Variants in LINC00632 observed in about 807,000 individuals in gnomAD.
LINC00632 encodes the protein long independently transcribed non-coding RNA 632, also known as ALDOA related specific transcript.
intron 3 of LINC00632, among the ~76,000 whole-genome samples, chrX:140,769,469 C>A (rs1026838534): frequency 5.5e-5 from 6 of 109,607 alleles, no homozygotes; most frequent in African/African-American, 1.7e-4. Context: ...TCGGTTTTTT[C>A]TCCACCCCAC....
Position 140,722,991 on chromosome X carries a change from GT to G in LINC00632, n.105-10886del, listed in dbSNP as rs1367994304. ...TTGAACCCGGGAGGCAGAGGTTGCA[GT>G]GTTGTGCCATTACACTCCAGCCTGG... is the stretch of plus-strand genomic sequence containing the variant. On this transcript the variant is annotated intron_variant and non_coding_transcript_variant, in intron 2 of 4. Coordinates refer to ENST00000648200, the Ensembl canonical transcript of LINC00632. Among the ~76,000 whole-genome samples, 4 of 106,105 alleles carry G rather than the reference GT, an allele frequency of 3.8e-5. No homozygotes were observed. The Admixed American group carries it at 4.1e-4, about 11-fold the overall frequency. The allele number at this position is 106,105 out of a possible 115,157, so 92.1% of individuals were successfully genotyped here. A position where few individuals can be genotyped will look rare whatever the true frequency, so the allele number is the denominator to read the frequency against.
chrX:140,716,121 A>G (rs1202046429), intron 2 of LINC00632: 3 of 112,131 alleles, frequency 2.7e-5, no homozygotes, highest in African/African-American at 9.7e-5. Flanking sequence ...CCTACAATGT[A>G]AAGATTTCCA....
At chrX:140,711,260 C>A (rs1023656267) in intron 1 of LINC00632, among the ~76,000 whole-genome samples, 2 of 111,178 alleles carry the variant, frequency 1.8e-5, no homozygotes, top group African/African-American at 6.5e-5. Context: ...ATAAAAATTA[C>A]CCATAATCCC....
intron 2 of LINC00632, chrX:140,713,807 C>A (rs1374386623): frequency 9.1e-6 from 3 of 328,844 alleles, no homozygotes. Flanking sequence ...CTGAGGCACA[C>A]TGATGCACCC....
intron 2 of LINC00632, among the ~76,000 whole-genome samples, chrX:140,716,441 TA>T (rs1930629786): frequency 9.0e-6 from 1 of 110,922 alleles, no homozygotes; most frequent in African/African-American, 3.3e-5. Flanking sequence ...TTAGAATTGT[TA>T]ATGTATATTA....
In LINC00632 at chrX:140,713,728, G is replaced by GA. The variant is rs771857739; in HGVS notation, n.104+2073dup. The GA allele has an allele frequency of 5.3e-5, 18 of 338,796 alleles. No individual in the cohort carries two copies. In the Admixed American group the frequency reaches 5.7e-4, roughly 11 times the overall value. 27.9% of individuals were successfully genotyped at this position (338,796 alleles called of 1,213,427 possible). A position where few individuals can be genotyped will look rare whatever the true frequency, so the allele number is the denominator to read the frequency against. On this transcript the variant is annotated intron_variant and non_coding_transcript_variant, in intron 2 of 4. Transcript: ENST00000648200. ...AAAAAGATGTTCCCCAGAACACATG[G>GA]ACACCCCAATCCCCGTATCATTAGA...
intron 3 of LINC00632, among the ~76,000 whole-genome samples, chrX:140,749,958 G>T (rs771434618): frequency 1.5e-3 from 170 of 111,103 alleles, no homozygotes; most frequent in African/African-American, 5.3e-3. Context: ...CCTCCTCAAA[G>T]TGTTGGTATT....
At chrX:140,761,510 A>G (rs1214461374) in intron 3 of LINC00632, among the ~76,000 whole-genome samples, 1 of 112,567 alleles carries the variant, frequency 8.9e-6, no homozygotes, top group Non-Finnish European at 1.9e-5. Context: ...TACACTGTCG[A>G]AGCTCTAAGC....
intron 3 of LINC00632, among the ~76,000 whole-genome samples, chrX:140,735,443 T>C (rs1260966220): frequency 8.9e-6 from 1 of 112,045 alleles, no homozygotes; most frequent in Non-Finnish European, 1.9e-5. Flanking sequence ...CTATTATATG[T>C]TATATTTTCA....
intron 3 of LINC00632, chrX:140,734,003 A>G (rs1441852741): frequency 8.9e-6 from 1 of 112,678 alleles, no homozygotes; most frequent in African/African-American, 3.2e-5. Flanking sequence ...AAACGTCCCT[A>G]AAACTTCACT....
At chrX:140,725,015 TACAC>T (rs1358225306) in intron 2 of LINC00632, among the ~76,000 whole-genome samples, 4 of 3,337 alleles carry the variant, frequency 1.2e-3, no homozygotes, top group African/African-American at 4.6e-3. Context: ...CACACATTCA[TACAC>T]ACACACATTC....
chrX:140,714,235 G>C (rs1463637903), intron 2 of LINC00632: 1 of 160,099 alleles, frequency 6.2e-6, no homozygotes, highest in Non-Finnish European at 1.2e-5. Context: ...TCACCCCATT[G>C]TGTACAGACA....
intron 3 of LINC00632, among the ~76,000 whole-genome samples, chrX:140,740,902 C>A (rs1180682573): frequency 8.9e-6 from 1 of 112,161 alleles, no homozygotes; most frequent in Non-Finnish European, 1.9e-5. Context: ...CTCATGTGCA[C>A]TGAATTCTTG....
chrX:140,747,090 A>C (rs1373720333), intron 3 of LINC00632, among the ~76,000 whole-genome samples: 1 of 112,333 alleles, frequency 8.9e-6, no homozygotes, highest in East Asian at 2.8e-4. Context: ...AATGCATAGG[A>C]GTTTTCTTAG....
At chrX:140,753,335 G>T (rs1257250175) in intron 3 of LINC00632, among the ~76,000 whole-genome samples, 1 of 111,809 alleles carries the variant, frequency 8.9e-6, no homozygotes, top group Admixed American at 9.5e-5. Flanking sequence ...ATATCTATGG[G>T]CACTTTCAGC....
At chrX:140,710,280 C>T (rs538863795) in intron 1 of LINC00632, among the ~76,000 whole-genome samples, 3 of 111,573 alleles carry the variant, frequency 2.7e-5, no homozygotes, top group South Asian at 7.5e-4. Context: ...TTAAGAAAGT[C>T]GTGTGACGGG....
chrX:140,737,448 C>A (rs376732156), intron 3 of LINC00632, among the ~76,000 whole-genome samples: 124 of 111,459 alleles, frequency 1.1e-3, no homozygotes, highest in African/African-American at 4.0e-3. Context: ...GAGTATTTAT[C>A]ATTTCTCTGT....
At chrX:140,768,664 T>TATA (rs1326036088) in intron 3 of LINC00632, among the ~76,000 whole-genome samples, 9 of 93,350 alleles carry the variant, frequency 9.6e-5, no homozygotes, top group Non-Finnish European at 1.8e-4. Flanking sequence ...ATATAATAAA[T>TATA]CTATAATAAA....
At chrX:140,772,298 T>C (rs1384581382) in exon 4 of LINC00632, 1 of 294,349 alleles carries the variant, frequency 3.4e-6, no homozygotes, top group Non-Finnish European at 5.9e-6. Flanking sequence ...CTCTTGTTCT[T>C]CTGCTTGTTA....
Sources: gnomAD v4.1 joint callset for allele counts (sites outside exome capture counted in the v4.1 genomes callset) on GRCh38, gnomAD v4.1.1 for gene constraint, MANE v1.5 for transcripts, NCBI Gene and HGNC (gene_info 2026-07-23, HGNC 2026-07-21) for gene names.